Variants in GFM1 observed in about 807,000 individuals in gnomAD.
GFM1 encodes the protein elongation factor G, mitochondrial.
A neutral mutation model predicts 96.2 loss-of-function variants in GFM1; 62 were observed. That is an observed-to-expected ratio of 0.64 (90% CI 0.53 to 0.80). GFM1 has a LOEUF of 0.80. Ranked by LOEUF, GFM1 falls within the 30% of genes least tolerant of loss-of-function variation. The probability of loss-of-function intolerance (pLI) is 0.00; values close to 1 mark genes in which losing one functional copy is unlikely to be tolerated. For missense variants in GFM1, 852 were observed against 916.6 expected (o/e 0.93, Z 0.91); for synonymous variants, 282 against 312.9 (o/e 0.90, Z 1.04).
At chr3:158,653,002 T>C (rs1722417811) in intron 6 of GFM1, among the ~76,000 whole-genome samples, 1 of 152,224 alleles carries the variant, frequency 6.6e-6, no homozygotes, top group African/African-American at 2.4e-5. Flanking sequence ...TGCAGTGTTC[T>C]ATTAGTGTGT....
chr3:158,652,638 T>C lies in GFM1; in HGVS notation c.840+392T>C, dbSNP rs369533197. 6.6e-5 allele frequency among the ~76,000 whole-genome samples: 10 copies of C among 152,254 alleles called. No individual in the cohort carries two copies. In the East Asian group the frequency reaches 9.7e-4, roughly 15 times the overall value. The stretch of plus-strand genomic sequence containing the variant: ...AGGCCTGCTCAGCCAGCAGGACACA[T>C]TGATGGTGTTTGCACTAAGGGCTGG... On this transcript the variant is annotated intron_variant, in intron 6 of 17. Transcript: ENST00000486715.
intron 14 of GFM1, among the ~76,000 whole-genome samples, chr3:158,682,592 T>C (rs1401227090): frequency 6.6e-6 from 1 of 152,196 alleles, no homozygotes; most frequent in Non-Finnish European, 1.5e-5. Flanking sequence ...GTTTCTTCAT[T>C]TGTAAACTGA....
intron 11 of GFM1, 95 bp from the exon 12 acceptor site, chr3:158,665,242 T>C (rs1425265425): frequency 1.1e-6 from 1 of 877,488 alleles, no homozygotes; most frequent in East Asian, 2.5e-5. Context: ...TCTTAACTGC[T>C]GATGTATTTT....
At chr3:158,661,306 A>G (rs1386307763) in intron 10 of GFM1, among the ~76,000 whole-genome samples, 1 of 152,160 alleles carries the variant, frequency 6.6e-6, no homozygotes, top group Non-Finnish European at 1.5e-5. Context: ...ACCTGCTTCC[A>G]CACTTGGGGT....
chr3:158,646,983 G>A (rs1249175709), intron 4 of GFM1, 36 bp downstream of exon 4: 1 of 1,487,372 alleles, frequency 6.7e-7, no homozygotes, highest in South Asian at 1.1e-5. Flanking sequence ...AGGATGTGAT[G>A]ATCTAGACAG....
At chr3:158,646,613 G>A in intron 3 of GFM1, 130 bp from the exon 4 acceptor site, 1 of 871,712 alleles carries the variant, frequency 1.1e-6, no homozygotes, top group South Asian at 1.5e-5. Context: ...GAATAGTATT[G>A]GTGAGCTCAG....
intron 13 of GFM1, chr3:158,669,376 T>C (rs1724041057): frequency 3.3e-6 from 5 of 1,501,492 alleles, no homozygotes; most frequent in Non-Finnish European, 4.5e-6. Context: ...GCACAGATAA[T>C]TGAGATTGAT....
chr3:158,689,141 G>A (rs919204761), intron 15 of GFM1, among the ~76,000 whole-genome samples: 4 of 152,122 alleles, frequency 2.6e-5, no homozygotes, highest in South Asian at 4.1e-4. Flanking sequence ...AATGTTTGAC[G>A]TTTTATTATA....
chr3:158,684,996 T>G (rs1010568305), intron 15 of GFM1: 1 of 182,964 alleles, frequency 5.5e-6, no homozygotes, highest in Non-Finnish European at 9.9e-6. Context: ...GTATCTTAAC[T>G]ACAGTCTTAT....
intron 9 of GFM1, 142 bp from the exon 10 acceptor site, chr3:158,660,731 GC>G: frequency 1.4e-6 from 1 of 715,438 alleles, no homozygotes; most frequent in East Asian, 2.6e-5. Context: ...ATTGGTTCTA[GC>G]TAATTCACTA....
At chr3:158,649,640 G>T in intron 5 of GFM1, 1 of 231,176 alleles carries the variant, frequency 4.3e-6, no homozygotes, top group Non-Finnish European at 8.5e-6. Flanking sequence ...TTGTACAAAT[G>T]TGGTTTGGGA....
chr3:158,685,686 C>T (rs535983980), intron 15 of GFM1, among the ~76,000 whole-genome samples: 1 of 152,144 alleles, frequency 6.6e-6, no homozygotes, highest in African/African-American at 2.4e-5. Flanking sequence ...TCCTTTATAT[C>T]AGCTCTCTAT....
chr3:158,670,329 C>G (rs143363928), intron 13 of GFM1, among the ~76,000 whole-genome samples: 6 of 152,302 alleles, frequency 3.9e-5, no homozygotes, highest in Non-Finnish European at 8.8e-5. Context: ...AGAGCACGTT[C>G]TTTCTCTAAA....
At chr3:158,651,349 T>A (rs908919506) in intron 5 of GFM1, among the ~76,000 whole-genome samples, 1 of 152,198 alleles carries the variant, frequency 6.6e-6, no homozygotes, top group African/African-American at 2.4e-5. Flanking sequence ...TTAATACAAT[T>A]TCAAAGAACT....
intron 3 of GFM1, among the ~76,000 whole-genome samples, chr3:158,646,509 C>G (rs369021613): frequency 6.6e-6 from 1 of 152,160 alleles, no homozygotes; most frequent in Non-Finnish European, 1.5e-5. Context: ...TAGGCAGATT[C>G]TTGCCTTTTA....
intron 13 of GFM1, among the ~76,000 whole-genome samples, chr3:158,674,902 A>G (rs1339267177): frequency 1.3e-5 from 2 of 152,214 alleles, no homozygotes; most frequent in Non-Finnish European, 2.9e-5. Context: ...ACAGCCAAAA[A>G]TGTCTAAGAA....
At chr3:158,657,564 G>C (rs1722869279) in intron 8 of GFM1, 1 of 152,054 alleles carries the variant, frequency 6.6e-6, no homozygotes, top group Admixed American at 6.6e-5. Context: ...CAGTCTTTCT[G>C]TTTAGTCATT....
In GFM1 at chr3:158,673,508, C is replaced by CTTTTTTTTTTT. The variant is rs766011688; in HGVS notation, c.1601+7132_1601+7142dup. 2.1e-4 allele frequency among the ~76,000 whole-genome samples: 24 copies of CTTTTTTTTTTT among 114,246 alleles called. 1 individual carries two copies. The highest frequency in any genetic ancestry group is 2.9e-4 in the African/African-American group (8 of 28,006). 74.9% of individuals were successfully genotyped at this position (114,246 alleles called of 152,430 possible). On this transcript the variant is annotated intron_variant, in intron 13 of 17. Transcript: ENST00000486715. ...TTGAGACCTTTTTTTCTTTTCTTTT[C>CTTTTTTTTTTT]TTTTTTTTTTTTTTTTTTTTGAGAT...
chr3:158,655,720 T>A (rs1722695651), intron 8 of GFM1: 2 of 329,088 alleles, frequency 6.1e-6, no homozygotes, highest in African/African-American at 2.2e-5. Context: ...TTTCCTCTAT[T>A]GTTAATACAC....
Sources: gnomAD v4.1 joint callset for allele counts (sites outside exome capture counted in the v4.1 genomes callset) on GRCh38, gnomAD v4.1.1 for gene constraint, MANE v1.5 for transcripts, NCBI Gene and HGNC (gene_info 2026-07-23, HGNC 2026-07-21) for gene names.